EFS: variants seen among roughly 807,000 people sequenced by gnomAD.
EFS encodes the protein embryonal Fyn-associated substrate.
EFS carries 34 observed loss-of-function variants against 42.2 expected under a neutral mutation model. That is an observed-to-expected ratio of 0.81 (90% CI 0.61 to 1.07). The LOEUF (loss-of-function observed/expected upper bound fraction) is 1.07. Ranked by LOEUF, EFS falls within the 50% of genes least tolerant of loss-of-function variation. The pLI is 0.00. For synonymous variants in EFS, 299 were observed against 320.7 expected, an observed-to-expected ratio of 0.93 and a Z score of 0.72; for missense variants, 717 against 729.4, an observed-to-expected ratio of 0.98 and a Z score of 0.20.
chr14:23,356,897 C>T lies in EFS; in HGVS notation c.*329G>A. The T allele has an allele frequency of 4.9e-6, 1 of 204,898 alleles. No individual in the cohort carries two copies. The highest frequency in any genetic ancestry group is 1.1e-4 in the East Asian group (1 of 9,198). The allele number at this position is 204,898 out of a possible 1,614,324, so 12.7% of individuals were successfully genotyped here. ...TGCCACCTGACTTTTCACAGCCAGT[C>T]TTCCAGAGGTGGGTGGTAGTGCAGT... On this transcript the variant is annotated 3_prime_UTR_variant, in exon 6 of 6. Coordinates refer to ENST00000216733, the MANE Select transcript of EFS (RefSeq NM_005864.4).
In EFS at chr14:23,357,211, T is replaced by C. The variant is rs1889943520; in HGVS notation, c.*15A>G. 6.6e-7 allele frequency: 1 copy of C among 1,526,564 alleles called. No homozygotes were observed. Among genetic ancestry groups the C allele is most frequent in the South Asian group, 1.3e-5 (1 of 77,246 alleles). 94.6% of individuals were successfully genotyped at this position (1,526,564 alleles called of 1,614,324 possible). A position where few individuals can be genotyped will look rare whatever the true frequency, so the allele number is the denominator to read the frequency against. ...TTGGCAGGCAGGGGAGGAGCAGAGC[T>C]GTGCCAAAGGACCTTCATGGAGCCA... is the stretch of plus-strand genomic sequence containing the variant. On this transcript the variant is annotated 3_prime_UTR_variant, in exon 6 of 6. Coordinates refer to ENST00000216733, the MANE Select transcript of EFS (RefSeq NM_005864.4).
chr14:23,357,334 G>A lies in EFS; in HGVS notation c.1578C>T (p.Ala526=), dbSNP rs768677673. Residue 526 remains alanine, a synonymous_variant, in exon 6 of 6, where the codon GCC becomes GCT. Transcript: ENST00000216733. ...TGGCAGGGCTGGATGGGTAGCCCAG[G>A]GCAGCTCCCTTGACAGCCAGCACAG... ...RATVLAVKGA[A]LGYPSSPAIQ... The A allele has an allele frequency of 2.5e-6, 4 of 1,611,758 alleles. No homozygotes were observed. Among genetic ancestry groups the A allele is most frequent in the East Asian group, 2.2e-5 (1 of 44,820 alleles).
chr14:23,357,656 G>A lies in EFS; in HGVS notation c.1256C>T (p.Ala419Val), dbSNP rs745363917. Reference sequence around the variant, plus strand: ...AACCAGTGGCTCCCCTGGGGACAGGGCCTCCTGAAGGGCAAGAGGAGTGGT... The same window carrying A: ...AACCAGTGGCTCCCCTGGGGACAGGACCTCCTGAAGGGCAAGAGGAGTGGT... ...PERGMPAPQE[A>V]LSPGEPLVVS... Residue 419 changes from alanine to valine, a missense_variant, in exon 6 of 6, where the codon GCC becomes GTC. Transcript: ENST00000216733. 1.3e-6 allele frequency: 2 copies of A among 1,524,966 alleles called. No homozygotes were observed. The highest frequency in any genetic ancestry group is 1.8e-6 in the Non-Finnish European group (2 of 1,130,716). 94.5% of individuals were successfully genotyped at this position (1,524,966 alleles called of 1,614,324 possible).
In EFS at chr14:23,359,952, C is replaced by G. The variant is rs779847130; in HGVS notation, c.526G>C (p.Val176Leu). ...PASFSHPLTRVAPQPPGEDDA... is the reference protein window; with the variant it reads ...PASFSHPLTRLAPQPPGEDDA... ...TCCTCTCCAGGGGGCTGCGGGGCAACCCGGGTCAGAGGGTGGGAAAAGGAG... is the reference window on the plus strand; with the variant it reads ...TCCTCTCCAGGGGGCTGCGGGGCAAGCCGGGTCAGAGGGTGGGAAAAGGAG... Residue 176 changes from valine to leucine, a missense_variant, in exon 4 of 6, where the codon GTT becomes CTT. By Grantham distance (32) the Val-to-Leu change is conservative (BLOSUM62 1). Coordinates refer to ENST00000216733, the MANE Select transcript of EFS (RefSeq NM_005864.4). 1.9e-6 allele frequency: 3 copies of G among 1,569,326 alleles called. No homozygotes were observed. The African/African-American group carries it at 4.1e-5, about 21-fold the overall frequency.
rs1396068426 is a variant in EFS, at chr14:23,359,211, GA to G, written c.1161+105del. On this transcript the variant is annotated intron_variant, in intron 4 of 5. Transcript: ENST00000216733. ...CAGGCTGCAGGGTAGAGGGAAGGGG[GA>G]CAGAAGGGAGGCAGGGAGGCTCTGC... 3 of 1,536,870 alleles carry G rather than the reference GA, an allele frequency of 2.0e-6. No homozygotes were observed. In the African/African-American group the frequency reaches 4.1e-5, roughly 21 times the overall value.
Position 23,363,383 on chromosome 14 carries a change from T to A in EFS, c.18+1625A>T, listed in dbSNP as rs752216626. Among the ~76,000 whole-genome samples, 3 of 152,200 alleles carry A rather than the reference T, an allele frequency of 2.0e-5. No individual in the cohort carries two copies. In the East Asian group the frequency reaches 5.8e-4, roughly 29 times the overall value. On this transcript the variant is annotated intron_variant, in intron 1 of 5. Coordinates refer to ENST00000216733, the MANE Select transcript of EFS (RefSeq NM_005864.4). The stretch of plus-strand genomic sequence containing the variant: ...CATGAGATAACGCATAAAGAAACTA[T>A]GACAAAGCGCAGCACAGGGCCAGGT...
chr14:23,360,863 G>C lies in EFS; in HGVS notation c.19-30C>G, dbSNP rs367826175. The C allele has an allele frequency of 4.0e-5, 63 of 1,591,032 alleles. No individual in the cohort carries two copies. In the African/African-American group the frequency reaches 7.8e-4, roughly 20 times the overall value. On this transcript the variant is annotated intron_variant, in intron 1 of 5. Transcript: ENST00000216733. Reference sequence around the variant, plus strand: ...TTGGGGAGGTGGGAGTGGGGAGAAGGGTCTTCAGACCCCTTTCAGGTCACG... The same window carrying C: ...TTGGGGAGGTGGGAGTGGGGAGAAGCGTCTTCAGACCCCTTTCAGGTCACG...
Position 23,359,073 on chromosome 14 carries a change from C to G in EFS, c.1162-108G>C, listed in dbSNP as rs576690309. On this transcript the variant is annotated intron_variant, in intron 4 of 5. Transcript: ENST00000216733. Reference sequence around the variant, plus strand: ...ACCCCCTTCCTTCCGAAGGACACTCCTGTTATCAGAGGTTGTAGTCCCTTG... The same window carrying G: ...ACCCCCTTCCTTCCGAAGGACACTCGTGTTATCAGAGGTTGTAGTCCCTTG... 26 of 1,197,180 alleles carry G rather than the reference C, an allele frequency of 2.2e-5. No homozygotes were observed. The African/African-American group carries it at 3.4e-4, about 16-fold the overall frequency. The allele number at this position is 1,197,180 out of a possible 1,614,324, so 74.2% of individuals were successfully genotyped here. A position where few individuals can be genotyped will look rare whatever the true frequency, so the allele number is the denominator to read the frequency against.
chr14:23,365,077 T>A lies in EFS; in HGVS notation c.-52A>T. 1 of 1,271,502 alleles carries A rather than the reference T, an allele frequency of 7.9e-7. No individual in the cohort carries two copies. Among genetic ancestry groups the A allele is most frequent in the Non-Finnish European group, 1.0e-6 (1 of 999,238 alleles). 78.8% of individuals were successfully genotyped at this position (1,271,502 alleles called of 1,614,324 possible). On this transcript the variant is annotated 5_prime_UTR_variant, in exon 1 of 6. In the 5' UTR this introduces an upstream ATG that the reference lacks. Transcript: ENST00000216733. This position sits in a 1 kb window ranked among gnomAD's most constrained non-coding sequence, Gnocchi z 5.3. The stretch of plus-strand genomic sequence containing the variant: ...TCAGGCCAGGCTCGGTTTTGCTGAC[T>A]TCAGCGGTGGCTGCCCCGCACCATG...
At chr14:23,358,132 T>G (rs533078590) in intron 5 of EFS, among the ~76,000 whole-genome samples, 1 of 152,198 alleles carries the variant, frequency 6.6e-6, no homozygotes, top group Non-Finnish European at 1.5e-5. Flanking sequence ...AGGCTGCATT[T>G]TATATTTGCA....
chr14:23,359,168 G>A (rs955437434), intron 4 of EFS, 149 bp downstream of exon 4: 14 of 1,304,238 alleles, frequency 1.1e-5, no homozygotes, highest in Non-Finnish European at 1.5e-5. Flanking sequence ...CAAGTGTTGT[G>A]GCCAAGTACT....
At position 23,358,931 on chromosome 14, in the gene EFS, T is replaced by C. The variant is rs1423734980; in HGVS notation, c.1196A>G (p.Asp399Gly). 2 of 1,613,090 alleles carry C rather than the reference T, an allele frequency of 1.2e-6. No homozygotes were observed. Among genetic ancestry groups the C allele is most frequent in the Non-Finnish European group, 1.7e-6 (2 of 1,179,636 alleles). The part of the protein sequence containing the change: ...MDKAQGSRPP[D>G]QACTGDPELP... ...TTCAGGATCCCCTGTGCAGGCCTGA[T>C]CCGGGGGCCTAGATCCCTGAGCTTT... Residue 399 changes from aspartate to glycine, a missense_variant, in exon 5 of 6, where the codon GAT becomes GGT. Transcript: ENST00000216733.
chr14:23,358,794 G>T lies in EFS; in HGVS notation c.1251+82C>A, dbSNP rs112145452. ...TCCATCCTAACCTATTTCCTTCCACGGTTGATGGCTCAGTTCTTCTCCCAA... is the reference window on the plus strand; with the variant it reads ...TCCATCCTAACCTATTTCCTTCCACTGTTGATGGCTCAGTTCTTCTCCCAA... On this transcript the variant is annotated intron_variant, in intron 5 of 5. Transcript: ENST00000216733. 3.8e-6 allele frequency: 5 copies of T among 1,308,284 alleles called. No homozygotes were observed. The South Asian group carries it at 4.4e-5, about 12-fold the overall frequency. The allele number at this position is 1,308,284 out of a possible 1,614,324, so 81.0% of individuals were successfully genotyped here.
intron 2 of EFS, 115 bp from the exon 3 acceptor site, chr14:23,360,396 A>G (rs1042820923): frequency 1.8e-5 from 27 of 1,500,134 alleles, no homozygotes; most frequent in Non-Finnish European, 2.3e-5. Context: ...AGAGGGCCAC[A>G]GCTCAGAAAG....
chr14:23,357,230 G>A lies in EFS; in HGVS notation c.1682C>T (p.Pro561Leu), dbSNP rs1179395491. 2 of 1,539,604 alleles carry A rather than the reference G, an allele frequency of 1.3e-6. No individual in the cohort carries two copies. Among genetic ancestry groups the A allele is most frequent in the African/African-American group, 2.7e-5 (2 of 73,472 alleles). The change falls in exon 6 of 6, where the codon CCA (proline) becomes CTA (leucine). Residue 561 changes from proline (P) to leucine (L), a missense_variant. By Grantham distance (98) the Pro-to-Leu change is moderately conservative. Coordinates refer to ENST00000216733, the MANE Select transcript of EFS (RefSeq NM_005864.4). ...QFTTLLTSLA[P>L] is the part of the protein sequence containing the mutation. Reference sequence around the variant, plus strand: ...CAGAGCTGTGCCAAAGGACCTTCATGGAGCCAGGCTAGTGAGCAGGGTAGT... The same window carrying A: ...CAGAGCTGTGCCAAAGGACCTTCATAGAGCCAGGCTAGTGAGCAGGGTAGT...
rs139614744 is a variant in EFS, at chr14:23,360,174, C to T, written c.405G>A (p.Gly135=). The T allele has an allele frequency of 5.0e-6, 8 of 1,614,040 alleles. No homozygotes were observed. The highest frequency in any genetic ancestry group is 1.7e-5 in the Admixed American group (1 of 60,006). ...CATCTCTGGGAGCAGCCAGCTGGGT[C>T]CCACTAGCTCTGGGGATTTTGTAGA... is the stretch of plus-strand genomic sequence containing the variant. ...DLIYKIPRAS[G]TQLAAPRDAL... The change falls in exon 3 of 6, where the codon GGG becomes GGA. Residue 135 remains glycine, a synonymous_variant. Transcript: ENST00000216733.
In EFS at chr14:23,359,849, C is replaced by T. The variant is rs377041487; in HGVS notation, c.629G>A (p.Arg210Gln). 49 of 1,524,552 alleles carry T rather than the reference C, an allele frequency of 3.2e-5. No individual in the cohort carries two copies. The highest frequency in any genetic ancestry group is 1.8e-4 in the Middle Eastern group (1 of 5,646). The allele number at this position is 1,524,552 out of a possible 1,614,324, so 94.4% of individuals were successfully genotyped here. ...AGCATAGATGGGGGGCCCCGGCTCC[C>T]GGCCTCCTTCCCACTCCAGATCTGG... Reference protein sequence around the residue: ...LEPDLEWEGGREPGPPIYAAP... With the variant: ...LEPDLEWEGGQEPGPPIYAAP... Residue 210 changes from arginine to glutamine, a missense_variant, in exon 4 of 6, where the codon CGG (arginine) becomes CAG (glutamine). Transcript: ENST00000216733.
At chr14:23,359,251 G>A in intron 4 of EFS, 66 bp downstream of exon 4, 1 of 1,607,070 alleles carries the variant, frequency 6.2e-7, no homozygotes. Context: ...TGTGCCCTAG[G>A]TCTCCACACC....
chr14:23,359,421 C>T lies in EFS; in HGVS notation c.1057G>A (p.Glu353Lys), dbSNP rs774219426. 1.4e-5 allele frequency: 22 copies of T among 1,611,138 alleles called. No homozygotes were observed. In the Admixed American group the frequency reaches 1.5e-4, roughly 11 times the overall value. ...ATCTCCCTGCCCTCTGGATCCCCCT[C>T]GACCTTGGGGCCTCCATAACCAGGC... ...RLPGYGGPKV[E>K]GDPEGREMED... The change falls in exon 4 of 6, where the codon GAG (glutamate) becomes AAG (lysine). Residue 353 changes from glutamate (E) to lysine (K), a missense_variant. Coordinates refer to ENST00000216733, the MANE Select transcript of EFS (RefSeq NM_005864.4).
Sources: allele counts gnomAD v4.1 joint callset (sites outside exome capture counted in the v4.1 genomes callset), GRCh38; gene constraint gnomAD v4.1.1; non-coding constraint Gnocchi (gnomAD v3.1); transcripts MANE v1.5; gene names NCBI Gene and HGNC (gene_info 2026-07-23, HGNC 2026-07-21).